The following FURIN variants were observed in gnomAD, a reference collection of about 807,000 sequenced individuals.
FURIN encodes furin, paired basic amino acid cleaving enzyme, also known as FES upstream region.
In FURIN, 18 loss-of-function variants were observed where a neutral mutation model predicts 89.2. The observed-to-expected ratio is 0.20, with a 90% confidence interval of 0.14 to 0.30. The LOEUF is 0.30. Ranked by LOEUF, FURIN falls within the 10% of genes least tolerant of loss-of-function variation. The probability of loss-of-function intolerance (pLI) is 1.00; values close to 1 mark genes in which losing one functional copy is unlikely to be tolerated. For synonymous variants in FURIN, 508 were observed against 466.4 expected, an observed-to-expected ratio of 1.09 and a Z score of -1.15; for missense variants, 879 against 1,100.5, an observed-to-expected ratio of 0.80 and a Z score of 2.85.
In FURIN at chr15:90,881,253, GAC is replaced by G. The variant is rs562897548; in HGVS notation, c.1793-26_1793-25del. 6 of 1,501,404 alleles carry G rather than the reference GAC, an allele frequency of 4.0e-6. No individual in the cohort carries two copies. The African/African-American group carries it at 4.1e-5, about 10-fold the overall frequency. 93.0% of individuals were successfully genotyped at this position (1,501,404 alleles called of 1,614,324 possible). A position where few individuals can be genotyped will look rare whatever the true frequency, so the allele number is the denominator to read the frequency against. On this transcript the variant is annotated intron_variant, in intron 15 of 15. Coordinates refer to ENST00000268171, the MANE Select transcript of FURIN (RefSeq NM_002569.4). The surrounding 1 kb of genome is among the most constrained non-coding windows in gnomAD (Gnocchi z 4.3). ...TCCTGGGGCTACAGTCTGTTTAGCT[GAC>G]ACACACTTGCCCTCTCTCCCACGCC...
At chr15:90,871,270 G>A (rs1415715458) in intron 1 of FURIN, among the ~76,000 whole-genome samples, 1 of 152,274 alleles carries the variant, frequency 6.6e-6, no homozygotes, top group African/African-American at 2.4e-5. Flanking sequence ...CTTTGGTTCC[G>A]AGTTCGGGTC....
rs760341541 is a variant in FURIN at position 90,878,262 on chromosome 15, A to G, written c.798A>G (p.Pro266=). ...ATGACGGCAAGACAGTGGATGGGCC[A>G]GCCCGCCTCGCCGAGGAGGCCTTCT... ...PEDDGKTVDG[P]ARLAEEAFFR... is the part of the protein sequence containing the mutation. The change falls in exon 8 of 16, where the codon CCA becomes CCG. Residue 266 remains proline (P), a synonymous_variant. Coordinates refer to ENST00000268171, the MANE Select transcript of FURIN (RefSeq NM_002569.4). 3.7e-6 allele frequency: 6 copies of G among 1,609,556 alleles called. No individual in the cohort carries two copies. The South Asian group carries it at 5.5e-5, about 15-fold the overall frequency.
rs1596077278 is a variant in FURIN, at chr15:90,878,114, C to T, written c.668-18C>T. 3.1e-6 allele frequency: 5 copies of T among 1,610,626 alleles called. No individual in the cohort carries two copies. The highest frequency in any genetic ancestry group is 4.2e-6 in the Non-Finnish European group (5 of 1,178,050). On this transcript the variant is annotated intron_variant, in intron 7 of 15. Transcript: ENST00000268171. Reference sequence around the variant, plus strand: ...GACCCATGCAGCATCCCTCTTCGTGCCCCCCCTTCACGGCCAGGGGTGCGC... The same window carrying T: ...GACCCATGCAGCATCCCTCTTCGTGTCCCCCCTTCACGGCCAGGGGTGCGC...
chr15:90,877,043 G>C lies in FURIN; in HGVS notation c.501+19G>C. The C allele has an allele frequency of 1.2e-6, 2 of 1,614,078 alleles. No homozygotes were observed. Among genetic ancestry groups the C allele is most frequent in the Non-Finnish European group, 1.7e-6 (2 of 1,179,964 alleles). ...CAATTATGTGAGGAAGTCGGGGAGGGAGGCCGTGATCCCTGCTGAGGTGTG... is the reference window on the plus strand; with the variant it reads ...CAATTATGTGAGGAAGTCGGGGAGGCAGGCCGTGATCCCTGCTGAGGTGTG... On this transcript the variant is annotated intron_variant, in intron 5 of 15. Coordinates refer to ENST00000268171, the MANE Select transcript of FURIN (RefSeq NM_002569.4).
At chr15:90,875,110 C>G (rs1208882404) in intron 1 of FURIN, among the ~76,000 whole-genome samples, 1 of 147,486 alleles carries the variant, frequency 6.8e-6, no homozygotes, top group Admixed American at 6.9e-5. Context: ...TCTTGGCTCA[C>G]TGCAACCTCC....
chr15:90,869,892 A>G (rs2031207169), intron 1 of FURIN, among the ~76,000 whole-genome samples: 1 of 152,230 alleles, frequency 6.6e-6, no homozygotes, highest in Non-Finnish European at 1.5e-5. Context: ...TCTTGCTCAC[A>G]GCCTAAGGAA....
chr15:90,877,272 GC>G, intron 6 of FURIN, 61 bp downstream of exon 6: 1 of 1,357,790 alleles, frequency 7.4e-7, no homozygotes. Context: ...AAGGAACAGG[GC>G]TGAGCCTGGG....
Position 90,876,496 on chromosome 15 carries a change from G to A in FURIN, c.311G>A (p.Arg104Gln), listed in dbSNP as rs1482722393. 5.0e-6 allele frequency: 8 copies of A among 1,613,810 alleles called. No homozygotes were observed. Among genetic ancestry groups the A allele is most frequent in the African/African-American group, 2.7e-5 (2 of 74,880 alleles). The stretch of plus-strand genomic sequence containing the variant: ...CTGGAACAGCAGGTGGCAAAGCGAC[G>A]GACTAAACGGGACGTGTACCAGGAG... ...QWLEQQVAKR[R>Q]TKRDVYQEPT... The change falls in exon 4 of 16, where the codon CGG becomes CAG. Residue 104 changes from arginine to glutamine, a missense_variant. Transcript: ENST00000268171. This position sits in a 1 kb window ranked among gnomAD's most constrained non-coding sequence, Gnocchi z 5.0.
In FURIN at chr15:90,880,115, G is replaced by A. The variant is rs780756978; in HGVS notation, c.1398G>A (p.Glu466=). 5 of 1,607,238 alleles carry A rather than the reference G, an allele frequency of 3.1e-6. No individual in the cohort carries two copies. In the South Asian group the frequency reaches 3.3e-5, roughly 11 times the overall value. Residue 466 remains glutamate (E), a synonymous_variant, in exon 13 of 16, where the codon GAG becomes GAA. Coordinates refer to ENST00000268171, the MANE Select transcript of FURIN (RefSeq NM_002569.4). ...TEPKDIGKRL[E]VRKTVTACLG... Reference sequence around the variant, plus strand: ...ACAGAGACATCGGGAAACGGCTCGAGGTGCGGAAGACCGTGACCGCGTGCC... The same window carrying A: ...ACAGAGACATCGGGAAACGGCTCGAAGTGCGGAAGACCGTGACCGCGTGCC...
intron 1 of FURIN, among the ~76,000 whole-genome samples, chr15:90,871,878 G>T (rs1272709475): frequency 1.3e-5 from 2 of 150,676 alleles, no homozygotes; most frequent in African/African-American, 4.9e-5. Flanking sequence ...GCGCTCCGCA[G>T]CCCACCTGAG....
In FURIN at chr15:90,880,920, T is replaced by C. The variant is rs200960670; in HGVS notation, c.1682-10T>C. ...GTCTTAACTCTTGCCTCCTCCCCGC[T>C]CTGGAACAGGGACGCTGACCAAGTT... On this transcript the variant is annotated splice_polypyrimidine_tract_variant and intron_variant, in intron 14 of 15. Coordinates refer to ENST00000268171, the MANE Select transcript of FURIN (RefSeq NM_002569.4). The C allele has an allele frequency of 1.9e-6, 3 of 1,613,250 alleles. No homozygotes were observed. The East Asian group carries it at 6.7e-5, about 36-fold the overall frequency.
In FURIN at chr15:90,875,807, G is replaced by T; in HGVS notation, c.67G>T (p.Asp23Tyr). ...AGGAACCTTGGTCCTGCTAGCAGCT[G>T]ATGCTCAGGGCCAGAAGGTCTTCAC... The part of the protein sequence containing the change: ...ATGTLVLLAA[D>Y]AQGQKVFTNT... The change falls in exon 2 of 16, where the codon GAT becomes TAT. Residue 23 changes from aspartate to tyrosine, a missense_variant. By Grantham distance (160) the Asp-to-Tyr change is radical. Coordinates refer to ENST00000268171, the MANE Select transcript of FURIN (RefSeq NM_002569.4). The T allele has an allele frequency of 6.4e-7, 1 of 1,562,876 alleles. No individual in the cohort carries two copies.
intron 9 of FURIN, 74 bp from the exon 10 acceptor site, chr15:90,879,370 A>AG: frequency 9.2e-7 from 1 of 1,085,034 alleles, no homozygotes; most frequent in Admixed American, 1.7e-5. Context: ...CTGTATGCAG[A>AG]GGGAGGGTAG....
At chr15:90,880,551 C>A in intron 13 of FURIN, 140 bp from the exon 14 acceptor site, 1 of 920,532 alleles carries the variant, frequency 1.1e-6, no homozygotes, top group Non-Finnish European at 1.6e-6. Flanking sequence ...CACTGAGAAA[C>A]AGCCAAGCCA....
At chr15:90,869,661 C>T (rs1440979052) in intron 1 of FURIN, among the ~76,000 whole-genome samples, 1 of 152,156 alleles carries the variant, frequency 6.6e-6, no homozygotes, top group Non-Finnish European at 1.5e-5. Context: ...TGGGAAGCTC[C>T]ACTTCCCACC....
intron 7 of FURIN, among the ~76,000 whole-genome samples, chr15:90,877,830 G>A (rs891975919): frequency 2.6e-5 from 4 of 152,170 alleles, no homozygotes; most frequent in African/African-American, 4.8e-5. Context: ...AAATCCTCAC[G>A]ACCCACTGTG....
intron 1 of FURIN, among the ~76,000 whole-genome samples, chr15:90,873,340 G>A (rs928454367): frequency 9.9e-5 from 15 of 152,148 alleles, no homozygotes; most frequent in Non-Finnish European, 1.9e-4. Flanking sequence ...CTTTCCGAGT[G>A]CTGCAAGGTA....
At chr15:90,880,468 T>C (rs2031897256) in intron 13 of FURIN, among the ~76,000 whole-genome samples, 195 bp downstream of exon 13, 1 of 152,216 alleles carries the variant, frequency 6.6e-6, no homozygotes, top group Non-Finnish European at 1.5e-5. Flanking sequence ...AACCATTTAA[T>C]GTCAGTAGTG....
chr15:90,879,964 C>G lies in FURIN; in HGVS notation c.1356C>G (p.Ile452Met), dbSNP rs375829786. Residue 452 changes from isoleucine to methionine, a missense_variant, in exon 12 of 16, where the codon ATC becomes ATG. Ile to Met is a conservative substitution (Grantham distance 10, BLOSUM62 1). Coordinates refer to ENST00000268171, the MANE Select transcript of FURIN (RefSeq NM_002569.4). The part of the protein sequence containing the change: ...TTVAPQRKCI[I>M]DILTEPKDIG... ...TGGCCCCCCAGCGGAAGTGCATCAT[C>G]GACATCCTCACCGAGCCCAAGTGAG... The G allele has an allele frequency of 6.2e-7, 1 of 1,612,754 alleles. No homozygotes were observed. Among genetic ancestry groups the G allele is most frequent in the African/African-American group, 1.3e-5 (1 of 74,938 alleles).
Sources: gnomAD v4.1 joint callset for allele counts (sites outside exome capture counted in the v4.1 genomes callset) on GRCh38, gnomAD v4.1.1 for gene constraint, Gnocchi (gnomAD v3.1) non-coding constraint, MANE v1.5 for transcripts, NCBI Gene and HGNC (gene_info 2026-07-23, HGNC 2026-07-21) for gene names.